The following FBXW7 variants were observed in gnomAD, a reference collection of about 807,000 sequenced individuals.
FBXW7 encodes the protein F-box/WD repeat-containing protein 7.
FBXW7 carries 11 observed loss-of-function variants against 86.3 expected under a neutral mutation model. That is an observed-to-expected ratio of 0.13 (90% CI 0.08 to 0.21). The LOEUF (loss-of-function observed/expected upper bound fraction) is 0.21. FBXW7 is among the 10% of genes least tolerant of loss of function. The pLI is 1.00. For missense variants in FBXW7, 488 were observed against 847.4 expected, an observed-to-expected ratio of 0.58 and a Z score of 5.27; for synonymous variants, 313 against 297.9, an observed-to-expected ratio of 1.05 and a Z score of -0.52.
intron 4 of FBXW7, among the ~76,000 whole-genome samples, chr4:152,385,819 G>A (rs1437669464): frequency 6.6e-6 from 1 of 151,920 alleles, no homozygotes; most frequent in Non-Finnish European, 1.5e-5. Flanking sequence ...CAAACCAAAC[G>A]CTGTAACAGA....
intron 2 of FBXW7, among the ~76,000 whole-genome samples, chr4:152,496,323 T>A (rs890578076): frequency 4.0e-5 from 6 of 151,686 alleles, no homozygotes; most frequent in Non-Finnish European, 8.8e-5. Flanking sequence ...TTTATAAAAA[T>A]TTGCCATTCA....
At chr4:152,467,053 T>C (rs183306329) in intron 2 of FBXW7, among the ~76,000 whole-genome samples, 2 of 152,282 alleles carry the variant, frequency 1.3e-5, no homozygotes, top group African/African-American at 4.8e-5. Flanking sequence ...TAAAAAGCAA[T>C]GGTTTCTTAA....
intron 6 of FBXW7, 86 bp from the exon 7 acceptor site, chr4:152,338,022 A>C (rs1730334631): frequency 7.3e-7 from 1 of 1,365,808 alleles, no homozygotes; most frequent in Non-Finnish European, 9.9e-7. Flanking sequence ...TCTACACACA[A>C]CCATAGTTGA....
chr4:152,362,392 TG>T (rs1371539093), intron 4 of FBXW7, among the ~76,000 whole-genome samples: 2 of 152,198 alleles, frequency 1.3e-5, no homozygotes, highest in Non-Finnish European at 2.9e-5. Flanking sequence ...TGAACTTTAG[TG>T]TAATCTTAAA....
At chr4:152,512,322 A>T (rs1748055436) in intron 2 of FBXW7, among the ~76,000 whole-genome samples, 2 of 152,232 alleles carry the variant, frequency 1.3e-5, no homozygotes, top group Non-Finnish European at 2.9e-5. Flanking sequence ...TAAGAGTGGA[A>T]AAGAAAGTAA....
At chr4:152,524,775 G>T (rs1334813030) in intron 2 of FBXW7, among the ~76,000 whole-genome samples, 4 of 152,042 alleles carry the variant, frequency 2.6e-5, no homozygotes, top group Non-Finnish European at 1.5e-5. Flanking sequence ...TTTGTTTCCT[G>T]TCTAAATGTC....
At chr4:152,375,682 G>T (rs1454422929) in intron 4 of FBXW7, among the ~76,000 whole-genome samples, 1 of 152,066 alleles carries the variant, frequency 6.6e-6, no homozygotes, top group East Asian at 1.9e-4. Flanking sequence ...CAATGATACA[G>T]TATCAGCTAA....
rs1244087538 is a variant in FBXW7 at position 152,489,777 on chromosome 4, GCA to G, written c.-120+45162_-120+45163del. Among the ~76,000 whole-genome samples, 31 of 152,024 alleles carry G rather than the reference GCA, an allele frequency of 2.0e-4. 1 individual carries two copies. The East Asian group carries it at 5.8e-3, about 28-fold the overall frequency. ...ACCTGGCACCCTTATCTTCTTCTGA[GCA>G]CTGTCTTTTATGCTTACTACCCTCC... is the stretch of plus-strand genomic sequence containing the variant. On this transcript the variant is annotated intron_variant, in intron 2 of 13. Transcript: ENST00000281708.
At chr4:152,344,403 A>G (rs373351196) in intron 6 of FBXW7, among the ~76,000 whole-genome samples, 144 of 152,292 alleles carry the variant, frequency 9.5e-4, no homozygotes, top group African/African-American at 3.3e-3. Flanking sequence ...AAAAAAATGT[A>G]TATAATACTA....
At chr4:152,513,430 G>C (rs1229585349) in intron 2 of FBXW7, among the ~76,000 whole-genome samples, 1 of 152,138 alleles carries the variant, frequency 6.6e-6, no homozygotes, top group Non-Finnish European at 1.5e-5. Flanking sequence ...TCCACTCACA[G>C]AGACCCTATT....
At chr4:152,326,520 C>G (rs1035541491) in intron 11 of FBXW7, among the ~76,000 whole-genome samples, 1 of 151,884 alleles carries the variant, frequency 6.6e-6, no homozygotes, top group Admixed American at 6.6e-5. Context: ...TTGAAAACCA[C>G]TGTACTGTAT....
chr4:152,326,383 C>T (rs1206988648), intron 11 of FBXW7, 152 bp from the exon 12 acceptor site: 19 of 636,590 alleles, frequency 3.0e-5, no homozygotes, highest in African/African-American at 2.8e-4. Flanking sequence ...AAAAGAAATC[C>T]TATGTAAAAC....
At position 152,489,471 on chromosome 4, in the gene FBXW7, A is replaced by G. The variant is rs541103677; in HGVS notation, c.-120+45470T>C. ...AGACATTCATACTCAGTATAACTAT[A>G]TACCTACTCTATACTGCTAACTTAA... is the stretch of plus-strand genomic sequence containing the variant. On this transcript the variant is annotated intron_variant, in intron 2 of 13. Transcript: ENST00000281708. 5 of 152,864 alleles carry G rather than the reference A, an allele frequency of 3.3e-5. No individual in the cohort carries two copies. In the East Asian group the frequency reaches 9.6e-4, roughly 29 times the overall value. The allele number at this position is 152,864 out of a possible 1,614,324, so 9.5% of individuals were successfully genotyped here. A position where few individuals can be genotyped will look rare whatever the true frequency, so the allele number is the denominator to read the frequency against.
At chr4:152,458,288 G>C (rs1447915307) in intron 2 of FBXW7, among the ~76,000 whole-genome samples, 1 of 152,120 alleles carries the variant, frequency 6.6e-6, no homozygotes, top group Non-Finnish European at 1.5e-5. Flanking sequence ...CAAAGTGCTG[G>C]GATTACAGGC....
chr4:152,370,122 T>A (rs1733879094), intron 4 of FBXW7, among the ~76,000 whole-genome samples: 2 of 152,006 alleles, frequency 1.3e-5, no homozygotes, highest in African/African-American at 4.8e-5. Context: ...TTTTAAAATC[T>A]AAAGTGATAA....
At chr4:152,519,685 T>C (rs905056030) in intron 2 of FBXW7, among the ~76,000 whole-genome samples, 2 of 152,228 alleles carry the variant, frequency 1.3e-5, no homozygotes, top group African/African-American at 2.4e-5. Context: ...TTTTGTATAA[T>C]GACATAAAAC....
At chr4:152,361,984 AAGAAC>A (rs1448100996) in intron 4 of FBXW7, among the ~76,000 whole-genome samples, 6 of 150,736 alleles carry the variant, frequency 4.0e-5, no homozygotes, top group Non-Finnish European at 5.9e-5. Context: ...AAAAAAAAAA[AAGAAC>A]AGAACAGAAC....
rs1278536564 is a variant in FBXW7 at position 152,323,459 on chromosome 4, C to T, written c.1856-310G>A. On this transcript the variant is annotated intron_variant, in intron 13 of 13. Coordinates refer to ENST00000281708, the MANE Select transcript of FBXW7 (RefSeq NM_001349798.2). ...TTCCTTGGTGAGGATGTAGATAGTG[C>T]AACTTCATACCTTCTGCTGATGGAC... 3 of 371,034 alleles carry T rather than the reference C, an allele frequency of 8.1e-6. No individual in the cohort carries two copies. The East Asian group carries it at 1.7e-4, about 20-fold the overall frequency. The allele number at this position is 371,034 out of a possible 1,614,324, so 23.0% of individuals were successfully genotyped here. A position where few individuals can be genotyped will look rare whatever the true frequency, so the allele number is the denominator to read the frequency against.
rs559059512 is a variant in FBXW7 at position 152,336,124 on chromosome 4, A to C, written c.861+1678T>G. On this transcript the variant is annotated intron_variant, in intron 7 of 13. Coordinates refer to ENST00000281708, the MANE Select transcript of FBXW7 (RefSeq NM_001349798.2). ...ACTTAGACAATAAAGCATTTTTCAA[A>C]ATAGGAATTTTTTTTTCTGGTAGTT... Among the ~76,000 whole-genome samples the C allele has an allele frequency of 1.1e-4, 16 of 152,220 alleles. No homozygotes were observed. In the South Asian group the frequency reaches 3.3e-3, roughly 32 times the overall value.
Sources: gnomAD v4.1 joint callset for allele counts (sites outside exome capture counted in the v4.1 genomes callset) on GRCh38, gnomAD v4.1.1 for gene constraint, MANE v1.5 for transcripts, NCBI Gene and HGNC (gene_info 2026-07-23, HGNC 2026-07-21) for gene names.